Variants in ANXA2 observed in about 807,000 individuals in gnomAD.
The protein encoded by ANXA2 is annexin II.
A neutral mutation model predicts 47.3 loss-of-function variants in ANXA2; 28 were observed. The ratio of observed to expected loss-of-function variants is 0.59; its 90% confidence interval spans 0.44 to 0.81. The LOEUF is 0.81. Ranked by LOEUF, ANXA2 falls within the 40% of genes least tolerant of loss-of-function variation. The pLI, the probability that ANXA2 is intolerant of heterozygous loss-of-function variation, is 0.00. For synonymous variants in ANXA2, 172 were observed against 155.5 expected, an observed-to-expected ratio of 1.11 and a Z score of -0.79; for missense variants, 384 against 414.3, an observed-to-expected ratio of 0.93 and a Z score of 0.64.
intron 5 of ANXA2, 91 bp from the exon 6 acceptor site, chr15:60,357,327 G>C (rs1014671784): frequency 5.7e-6 from 6 of 1,054,446 alleles, no homozygotes; most frequent in Middle Eastern, 2.0e-4. Context: ...TTGCAAACAT[G>C]GATTGGGTCT....
At chr15:60,369,314 T>A (rs918589957) in intron 3 of ANXA2, among the ~76,000 whole-genome samples, 1 of 152,260 alleles carries the variant, frequency 6.6e-6, no homozygotes, top group Non-Finnish European at 1.5e-5. Context: ...TCCCTTGCTC[T>A]GTCTCTCAAA....
intron 12 of ANXA2, 109 bp downstream of exon 12, chr15:60,348,966 G>A (rs1421483193): frequency 1.5e-6 from 2 of 1,304,002 alleles, no homozygotes; most frequent in Non-Finnish European, 2.2e-6. Flanking sequence ...CTTCCCCAGA[G>A]AGTCAGAAAA....
chr15:60,377,856 G>A (rs896817150), intron 3 of ANXA2, among the ~76,000 whole-genome samples: 7 of 152,048 alleles, frequency 4.6e-5, no homozygotes, highest in African/African-American at 1.7e-4. Flanking sequence ...CGGAGGCCAA[G>A]ACAGGTGGAT....
At chr15:60,381,116 T>C (rs1038502618) in intron 3 of ANXA2, among the ~76,000 whole-genome samples, 3 of 152,146 alleles carry the variant, frequency 2.0e-5, no homozygotes, top group African/African-American at 7.2e-5. Context: ...GGTGCACTAT[T>C]AGTAAATACG....
chr15:60,358,871 A>G (rs2062471945), intron 5 of ANXA2, among the ~76,000 whole-genome samples: 1 of 152,250 alleles, frequency 6.6e-6, no homozygotes, highest in African/African-American at 2.4e-5. Flanking sequence ...AGAATAATGT[A>G]AGATGTGTTT....
chr15:60,357,263 G>T, intron 5 of ANXA2, 27 bp from the exon 6 acceptor site: 4 of 1,579,526 alleles, frequency 2.5e-6, no homozygotes, highest in Non-Finnish European at 3.5e-6. Context: ...ACGAACATCA[G>T]CAGGGAAATG....
rs138173575 is a variant in ANXA2 at position 60,381,988 on chromosome 15, A to C, written c.148+354T>G. Among the ~76,000 whole-genome samples the C allele has an allele frequency of 4.7e-3, 657 of 140,770 alleles. 5 individuals are homozygous for C. Among genetic ancestry groups the C allele is most frequent in the African/African-American group, 0.015 (575 of 38,700 alleles). The allele number at this position is 140,770 out of a possible 152,430, so 92.4% of individuals were successfully genotyped here. A position where few individuals can be genotyped will look rare whatever the true frequency, so the allele number is the denominator to read the frequency against. Reference sequence around the variant, plus strand: ...CTATCTCATGCTGTACATCTCTCCAAAGAGAAGAAACGGGGGGTGGGGGAG... The same window carrying C: ...CTATCTCATGCTGTACATCTCTCCACAGAGAAGAAACGGGGGGTGGGGGAG... On this transcript the variant is annotated intron_variant, in intron 3 of 12. Coordinates refer to ENST00000451270, the MANE Select transcript of ANXA2 (RefSeq NM_004039.3).
intron 7 of ANXA2, chr15:60,355,306 G>C (rs1397661357): frequency 6.2e-6 from 1 of 160,966 alleles, no homozygotes; most frequent in African/African-American, 2.4e-5. Flanking sequence ...TGGCATAGGA[G>C]TTGTTGCAGT....
At chr15:60,353,278 T>C (rs779758860) in intron 8 of ANXA2, among the ~76,000 whole-genome samples, 5 of 152,258 alleles carry the variant, frequency 3.3e-5, no homozygotes, top group East Asian at 1.9e-4. Flanking sequence ...TCAGAGATAA[T>C]GGAACTAGAA....
intron 3 of ANXA2, among the ~76,000 whole-genome samples, chr15:60,365,764 T>C (rs2062586127): frequency 1.3e-5 from 2 of 152,144 alleles, no homozygotes; most frequent in Non-Finnish European, 2.9e-5. Context: ...CTGTAGCATC[T>C]ATAACTTTAG....
At chr15:60,393,628 T>C in intron 1 of ANXA2, 1 of 985,408 alleles carries the variant, frequency 1.0e-6, no homozygotes, top group South Asian at 4.7e-5. Context: ...GGAACCTCAA[T>C]CTTAATTAGC....
At chr15:60,349,708 C>G (rs1895900052) in intron 11 of ANXA2, among the ~76,000 whole-genome samples, 2 of 124,594 alleles carry the variant, frequency 1.6e-5, no homozygotes, top group Non-Finnish European at 1.7e-5. Context: ...AAAGGAAAGA[C>G]AGAGAGAGAG....
chr15:60,363,624 C>T (rs961514184), intron 4 of ANXA2, among the ~76,000 whole-genome samples: 1 of 152,142 alleles, frequency 6.6e-6, no homozygotes, highest in Non-Finnish European at 1.5e-5. Flanking sequence ...AAATAAAGGA[C>T]GAACACGCAC....
chr15:60,382,110 G>C (rs1280895906), intron 3 of ANXA2, among the ~76,000 whole-genome samples: 9 of 151,252 alleles, frequency 6.0e-5, no homozygotes, highest in African/African-American at 2.4e-5. Flanking sequence ...GAAAGAGAAA[G>C]AGGGAGAGAA....
At chr15:60,359,141 T>C (rs1371199428) in intron 5 of ANXA2, among the ~76,000 whole-genome samples, 1 of 152,160 alleles carries the variant, frequency 6.6e-6, no homozygotes, top group Non-Finnish European at 1.5e-5. Flanking sequence ...TGGACGGGTA[T>C]TCAACTGTGA....
chr15:60,382,453 A>T lies in ANXA2; in HGVS notation c.49-12T>A. 1 of 1,559,468 alleles carries T rather than the reference A, an allele frequency of 6.4e-7. No homozygotes were observed. The highest frequency in any genetic ancestry group is 1.1e-5 in the South Asian group (1 of 89,432). ...GGGGGTGTAGAGTGCTGAGGTTAAAAGATAAACATACTCAAATGACACACA... is the reference window on the plus strand; with the variant it reads ...GGGGGTGTAGAGTGCTGAGGTTAAATGATAAACATACTCAAATGACACACA... On this transcript the variant is annotated splice_polypyrimidine_tract_variant and intron_variant, in intron 2 of 12. Transcript: ENST00000451270.
intron 3 of ANXA2, among the ~76,000 whole-genome samples, chr15:60,380,493 C>CA (rs538754910): frequency 0.048 from 4,284 of 89,986 alleles, 172 homozygotes; most frequent in African/African-American, 0.14. Context: ...TTAAATGCAC[C>CA]AAAAAAAAAA....
intron 2 of ANXA2, 21 bp from the exon 3 acceptor site, chr15:60,382,462 T>C: frequency 2.0e-6 from 3 of 1,511,016 alleles, no homozygotes; most frequent in Non-Finnish European, 2.8e-6. Context: ...AAGATAAACA[T>C]ACTCAAATGA....
intron 3 of ANXA2, chr15:60,374,578 A>G (rs192337963): frequency 6.6e-6 from 3 of 455,794 alleles, no homozygotes; most frequent in Admixed American, 2.4e-5. Context: ...TTAAAAAAAG[A>G]AAGAGCTGAA....
Sources: allele counts gnomAD v4.1 joint callset (sites outside exome capture counted in the v4.1 genomes callset), GRCh38; gene constraint gnomAD v4.1.1; transcripts MANE v1.5; gene names NCBI Gene and HGNC (gene_info 2026-07-23, HGNC 2026-07-21).